The following LMBR1 variants were observed in gnomAD, a reference collection of about 807,000 sequenced individuals.
LMBR1 encodes the protein limb development membrane protein 1.
Under a neutral mutation model 73.9 loss-of-function variants are expected in LMBR1, and 52 were observed. That is an observed-to-expected ratio of 0.70 (90% CI 0.56 to 0.89). The LOEUF (loss-of-function observed/expected upper bound fraction) is 0.89. Ranked by LOEUF, LMBR1 falls within the 40% of genes least tolerant of loss-of-function variation. The pLI, the probability that LMBR1 is intolerant of heterozygous loss-of-function variation, is 0.00. For missense variants in LMBR1, 539 were observed against 579.8 expected, an observed-to-expected ratio of 0.93 and a Z score of 0.72; for synonymous variants, 215 against 209.4, an observed-to-expected ratio of 1.03 and a Z score of -0.23.
intron 15 of LMBR1, among the ~76,000 whole-genome samples, chr7:156,712,409 G>C (rs1356305137): frequency 6.6e-6 from 1 of 152,194 alleles, no homozygotes; most frequent in African/African-American, 2.4e-5. Flanking sequence ...CTATACGGTT[G>C]GTGGGAATGT....
Position 156,852,942 on chromosome 7 carries a change from C to CT in LMBR1, c.67-16058dup, listed in dbSNP as rs879843032. 2.9e-3 allele frequency among the ~76,000 whole-genome samples: 420 copies of CT among 143,954 alleles called. 3 individuals carry two copies. Among genetic ancestry groups the CT allele is most frequent in the Admixed American group, 6.0e-3 (86 of 14,328 alleles). 94.4% of individuals were successfully genotyped at this position (143,954 alleles called of 152,430 possible). A position where few individuals can be genotyped will look rare whatever the true frequency, so the allele number is the denominator to read the frequency against. ...CTTGAACAGTAAATTACAAATAATG[C>CT]TTTTTTTTTTTTTTGAGACAGAGTC... On this transcript the variant is annotated intron_variant, in intron 1 of 16. Transcript: ENST00000353442.
intron 1 of LMBR1, 41 bp downstream of exon 1, chr7:156,892,887 G>T (rs754665975): frequency 7.2e-7 from 1 of 1,393,048 alleles, no homozygotes; most frequent in Non-Finnish European, 9.4e-7. Context: ...GGGCCCGGGC[G>T]GGCACGCGGG....
At chr7:156,861,633 T>C (rs1223325565) in intron 1 of LMBR1, among the ~76,000 whole-genome samples, 4 of 152,164 alleles carry the variant, frequency 2.6e-5, no homozygotes, top group Non-Finnish European at 5.9e-5. Context: ...CTATGCTCTG[T>C]TTTCCTTTTA....
chr7:156,758,521 C>T (rs1822348765), intron 8 of LMBR1, among the ~76,000 whole-genome samples: 1 of 152,100 alleles, frequency 6.6e-6, no homozygotes, highest in African/African-American at 2.4e-5. Flanking sequence ...GTGGATCTCT[C>T]ATGAATAACC....
At chr7:156,892,629 C>CGCGGG in intron 1 of LMBR1, 1 of 285,074 alleles carries the variant, frequency 3.5e-6, no homozygotes, top group Non-Finnish European at 6.5e-6. Flanking sequence ...GCACCGAGGC[C>CGCGGG]GCGGGGCGGG....
At chr7:156,824,895 T>C (rs1298257377) in intron 4 of LMBR1, among the ~76,000 whole-genome samples, 3 of 149,798 alleles carry the variant, frequency 2.0e-5, no homozygotes, top group Admixed American at 2.0e-4. Context: ...ATGCCTACTA[T>C]AAAAACGAAA....
chr7:156,742,617 T>C (rs1163067672), intron 9 of LMBR1, among the ~76,000 whole-genome samples: 1 of 152,072 alleles, frequency 6.6e-6, no homozygotes, highest in Non-Finnish European at 1.5e-5. Flanking sequence ...AAACCTGTAA[T>C]AAAAAGTTTC....
intron 4 of LMBR1, among the ~76,000 whole-genome samples, chr7:156,797,284 G>A (rs1830210434): frequency 1.3e-5 from 2 of 151,978 alleles, no homozygotes; most frequent in East Asian, 1.9e-4. Flanking sequence ...TCATTGGGAG[G>A]GTATTTGGCC....
chr7:156,818,829 T>C (rs1563442880), intron 4 of LMBR1, among the ~76,000 whole-genome samples: 1 of 152,230 alleles, frequency 6.6e-6, no homozygotes, highest in African/African-American at 2.4e-5. Context: ...GGATACTTTA[T>C]TTTTTCGGTC....
At chr7:156,823,226 A>T (rs1488109950) in intron 4 of LMBR1, 7 of 151,742 alleles carry the variant, frequency 4.6e-5, no homozygotes, top group East Asian at 1.9e-4. Flanking sequence ...AAAATTTTTT[A>T]AATTAACATT....
rs761771159 is a variant in LMBR1 at position 156,684,146 on chromosome 7, A to G, written c.1405T>C (p.Leu469=). Residue 469 remains leucine (L), a synonymous_variant, in exon 17 of 17, where the codon TTA becomes CTA. Transcript: ENST00000353442. ...FKALGLHKLH[L]PNTSRDSETA... ...TCTGAATCCCTTGAAGTATTTGGTA[A>G]GTGAAGTTTATGAAGCCCTGCAAAA... 8 of 1,613,892 alleles carry G rather than the reference A, an allele frequency of 5.0e-6. No homozygotes were observed. Among genetic ancestry groups the G allele is most frequent in the South Asian group, 2.2e-5 (2 of 91,076 alleles).
chr7:156,699,053 T>C (rs1809007285), intron 15 of LMBR1, among the ~76,000 whole-genome samples: 1 of 152,174 alleles, frequency 6.6e-6, no homozygotes, highest in Non-Finnish European at 1.5e-5. Flanking sequence ...TGCTTAGAAA[T>C]TTCTCACACC....
chr7:156,716,138 G>A (rs1272165078), intron 15 of LMBR1, among the ~76,000 whole-genome samples: 1 of 152,176 alleles, frequency 6.6e-6, no homozygotes, highest in Non-Finnish European at 1.5e-5. Flanking sequence ...TCATGAGAAA[G>A]TCAATACAGA....
intron 10 of LMBR1, among the ~76,000 whole-genome samples, chr7:156,732,124 C>T (rs1563232971): frequency 6.6e-6 from 1 of 152,004 alleles, no homozygotes; most frequent in Non-Finnish European, 1.5e-5. Flanking sequence ...TGGACTTCCA[C>T]TTCTGAAGCT....
chr7:156,890,410 A>T (rs1031843863), intron 1 of LMBR1, among the ~76,000 whole-genome samples: 2 of 152,236 alleles, frequency 1.3e-5, no homozygotes, highest in African/African-American at 4.8e-5. Context: ...GTGGGAAAGA[A>T]ATATGTGCAG....
chr7:156,721,676 AT>A (rs1187042749), intron 15 of LMBR1, among the ~76,000 whole-genome samples: 26 of 151,166 alleles, frequency 1.7e-4, no homozygotes, highest in Admixed American at 1.6e-3. Context: ...CTAATAAAAA[AT>A]TTTAACTACA....
chr7:156,776,041 A>ATATATATATGAGT (rs1826071460), intron 5 of LMBR1, among the ~76,000 whole-genome samples: 1 of 149,160 alleles, frequency 6.7e-6, no homozygotes, highest in Admixed American at 6.7e-5. Context: ...AATGAGTATT[A>ATATATATATGAGT]TATATATATG....
At chr7:156,718,849 G>A (rs73166105) in intron 15 of LMBR1, among the ~76,000 whole-genome samples, 5,288 of 151,022 alleles carry the variant, frequency 0.035, 138 homozygotes, top group Non-Finnish European at 0.045. Flanking sequence ...TAACTGTAAC[G>A]TTTTTCAAGT....
At position 156,891,223 on chromosome 7, in the gene LMBR1, T is replaced by A. The variant is rs867137860; in HGVS notation, c.66+1705A>T. On this transcript the variant is annotated intron_variant, in intron 1 of 16. Transcript: ENST00000353442. ...AAAAAAAAAAAAAAATATATATATATATATATATATACACACACACACACA... is the reference window on the plus strand; with the variant it reads ...AAAAAAAAAAAAAAATATATATATAAATATATATATACACACACACACACA... 1.8e-3 allele frequency among the ~76,000 whole-genome samples: 120 copies of A among 66,892 alleles called. 1 individual carries two copies. The highest frequency in any genetic ancestry group is 5.1e-3 in the African/African-American group (95 of 18,546). 43.9% of individuals were successfully genotyped at this position (66,892 alleles called of 152,430 possible).
Sources: allele counts gnomAD v4.1 joint callset (sites outside exome capture counted in the v4.1 genomes callset), GRCh38; gene constraint gnomAD v4.1.1; transcripts MANE v1.5; gene names NCBI Gene and HGNC (gene_info 2026-07-23, HGNC 2026-07-21).